The following XKR4 variants were observed in gnomAD, a reference collection of about 807,000 sequenced individuals.
The protein encoded by XKR4 is XK-related protein 4.
A neutral mutation model predicts 53.9 loss-of-function variants in XKR4; 12 were observed. The observed-to-expected ratio is 0.22, with a 90% CI of 0.14 to 0.36. XKR4 has a LOEUF of 0.36. XKR4 is among the 10% of genes least tolerant of loss of function. The pLI is 1.00. For synonymous variants in XKR4, 354 were observed against 362.4 expected (o/e 0.98, Z 0.26); for missense variants, 799 against 859.5 (o/e 0.93, Z 0.88).
chr8:55,461,368 T>C (rs1805655144), intron 2 of XKR4, among the ~76,000 whole-genome samples: 1 of 152,242 alleles, frequency 6.6e-6, no homozygotes, highest in African/African-American at 2.4e-5. Context: ...AAACAGGGTC[T>C]GGAGTGGACC....
rs148140572 is a variant in XKR4, at chr8:55,203,206, G to A, written c.806+99912G>A. ...AAAGCACTGGCCCGCCAAGCACGGC[G>A]CCTGTAACTTGGCTTTGCACTATTG... is the stretch of plus-strand genomic sequence containing the variant. On this transcript the variant is annotated intron_variant, in intron 1 of 2. Coordinates refer to ENST00000327381, the MANE Select transcript of XKR4 (RefSeq NM_052898.2). 3.8e-3 allele frequency among the ~76,000 whole-genome samples: 577 copies of A among 152,280 alleles called. 3 individuals carry two copies. In the Middle Eastern group the frequency reaches 0.041, roughly 11 times the overall value.
intron 2 of XKR4, chr8:55,453,208 C>G (rs1805484060): frequency 4.1e-6 from 2 of 491,942 alleles, no homozygotes; most frequent in South Asian, 1.5e-5. Context: ...TACCCCTTGG[C>G]TCCGCTTCCA....
At chr8:55,112,221 C>T (rs1294120968) in intron 1 of XKR4, among the ~76,000 whole-genome samples, 3 of 152,144 alleles carry the variant, frequency 2.0e-5, no homozygotes, top group Non-Finnish European at 4.4e-5. Context: ...AGTTCTACTT[C>T]TTTTGTTTAA....
chr8:55,139,845 C>T (rs745518474), intron 1 of XKR4, among the ~76,000 whole-genome samples: 6 of 152,054 alleles, frequency 3.9e-5, no homozygotes, highest in African/African-American at 7.2e-5. Context: ...TTTAGGAATG[C>T]TTAGCTATTA....
At chr8:55,307,029 T>C (rs1819311234) in intron 1 of XKR4, among the ~76,000 whole-genome samples, 1 of 146,314 alleles carries the variant, frequency 6.8e-6, no homozygotes, top group African/African-American at 2.5e-5. Flanking sequence ...ATTTTAAACC[T>C]ATACACTTTT....
intron 1 of XKR4, among the ~76,000 whole-genome samples, chr8:55,311,967 A>C (rs561114702): frequency 1.3e-5 from 2 of 152,234 alleles, no homozygotes; most frequent in African/African-American, 4.8e-5. Context: ...CAGCTACTGA[A>C]TTAAAAATTA....
At chr8:55,461,714 T>A (rs1805660975) in intron 2 of XKR4, among the ~76,000 whole-genome samples, 1 of 152,088 alleles carries the variant, frequency 6.6e-6, no homozygotes, top group Admixed American at 6.5e-5. Flanking sequence ...GGCAAATAAG[T>A]TAAAAACTTT....
At chr8:55,200,251 A>G (rs1817562524) in intron 1 of XKR4, among the ~76,000 whole-genome samples, 3 of 152,140 alleles carry the variant, frequency 2.0e-5, no homozygotes. Context: ...TATTTTTAGT[A>G]GAGACGGGGT....
intron 1 of XKR4, among the ~76,000 whole-genome samples, chr8:55,157,896 T>C (rs374648308): frequency 6.6e-6 from 1 of 152,262 alleles, no homozygotes; most frequent in Non-Finnish European, 1.5e-5. Context: ...ATGGTGTCTA[T>C]GTACATTTTC....
chr8:55,183,069 C>A (rs949556376), intron 1 of XKR4, among the ~76,000 whole-genome samples: 2 of 151,940 alleles, frequency 1.3e-5, no homozygotes, highest in African/African-American at 4.8e-5. Context: ...CCATTATTAT[C>A]CTTTTAATGT....
At chr8:55,403,912 G>C (rs898845259) in intron 2 of XKR4, among the ~76,000 whole-genome samples, 1 of 152,182 alleles carries the variant, frequency 6.6e-6, no homozygotes. Context: ...GAAGCTCATA[G>C]AACGCCAGGG....
chr8:55,336,960 C>A (rs1308163236), intron 1 of XKR4, among the ~76,000 whole-genome samples: 1 of 152,140 alleles, frequency 6.6e-6, no homozygotes, highest in Non-Finnish European at 1.5e-5. Context: ...CTCCATAAAG[C>A]AAATAATCCT....
chr8:55,124,445 C>T (rs995770251), intron 1 of XKR4, among the ~76,000 whole-genome samples: 2 of 152,310 alleles, frequency 1.3e-5, no homozygotes, highest in East Asian at 1.9e-4. Flanking sequence ...TGAGCAGCAG[C>T]GCTGCTGTAA....
chr8:55,486,980 A>G (rs117304213), intron 2 of XKR4, among the ~76,000 whole-genome samples: 1 of 152,210 alleles, frequency 6.6e-6, no homozygotes, highest in East Asian at 1.9e-4. Context: ...TAGAACCAAT[A>G]GAATATGTAT....
chr8:55,534,493 C>G lies in XKR4; in HGVS notation c.*10266C>G, dbSNP rs902171759. On this transcript the variant is annotated 3_prime_UTR_variant, in exon 3 of 3. Coordinates refer to ENST00000327381, the MANE Select transcript of XKR4 (RefSeq NM_052898.2). ...GGTTCACACCATCCTTCTGCCTCAG[C>G]CTTCTGAGTAGGTGGGACTACAGGC... The G allele has an allele frequency of 6.7e-6, 1 of 149,404 alleles. No individual in the cohort carries two copies. The highest frequency in any genetic ancestry group is 1.5e-5 in the Non-Finnish European group (1 of 67,814). The allele number at this position is 149,404 out of a possible 1,614,324, so 9.3% of individuals were successfully genotyped here.
intron 1 of XKR4, among the ~76,000 whole-genome samples, chr8:55,343,283 G>T (rs1803584671): frequency 6.6e-6 from 1 of 152,168 alleles, no homozygotes; most frequent in African/African-American, 2.4e-5. Context: ...AATAAGATAA[G>T]AAAAATTATG....
chr8:55,197,826 A>T (rs1006684296), intron 1 of XKR4, among the ~76,000 whole-genome samples: 2 of 152,316 alleles, frequency 1.3e-5, no homozygotes, highest in African/African-American at 4.8e-5. Context: ...TACAGGCGTG[A>T]GCCACCACAC....
chr8:55,207,340 A>G (rs1459981322), intron 1 of XKR4, among the ~76,000 whole-genome samples: 1 of 152,200 alleles, frequency 6.6e-6, no homozygotes, highest in Non-Finnish European at 1.5e-5. Flanking sequence ...ATAGAGATTC[A>G]GGATGCTGTG....
At chr8:55,482,182 G>A (rs1182732328) in intron 2 of XKR4, among the ~76,000 whole-genome samples, 1 of 152,040 alleles carries the variant, frequency 6.6e-6, no homozygotes, top group Non-Finnish European at 1.5e-5. Context: ...TTAAGAAAAT[G>A]TGGCACATAT....
Sources: gnomAD v4.1 joint callset for allele counts (sites outside exome capture counted in the v4.1 genomes callset) on GRCh38, gnomAD v4.1.1 for gene constraint, MANE v1.5 for transcripts, NCBI Gene and HGNC (gene_info 2026-07-23, HGNC 2026-07-21) for gene names.